The following TMEM87B variants were observed in gnomAD, a reference collection of about 807,000 sequenced individuals.
TMEM87B encodes transmembrane protein 87B.
A neutral mutation model predicts 80.3 loss-of-function variants in TMEM87B; 83 were observed. That is an observed-to-expected ratio of 1.03 (90% CI 0.87 to 1.24). The LOEUF (loss-of-function observed/expected upper bound fraction) is 1.24, where lower values mean the gene tolerates loss of function less well. TMEM87B is among the 50% of genes most tolerant of loss of function. The pLI is 0.00. For synonymous variants in TMEM87B, 219 were observed against 230.5 expected, an observed-to-expected ratio of 0.95 and a Z score of 0.45; for missense variants, 625 against 674.4, an observed-to-expected ratio of 0.93 and a Z score of 0.81.
At chr2:112,099,900 A>AAC (rs1558847861) in intron 14 of TMEM87B, among the ~76,000 whole-genome samples, 2 of 149,418 alleles carry the variant, frequency 1.3e-5, no homozygotes, top group Non-Finnish European at 1.5e-5. Flanking sequence ...AAAAAAAAAA[A>AAC]CCACAAAAAA....
intron 3 of TMEM87B, among the ~76,000 whole-genome samples, chr2:112,065,401 T>C (rs1263931275): frequency 6.6e-6 from 1 of 152,098 alleles, no homozygotes. Flanking sequence ...ATTCCTGCGC[T>C]TTGGGAACCT....
At chr2:112,106,927 AATAG>A (rs1184180695) in intron 16 of TMEM87B, among the ~76,000 whole-genome samples, 6 of 152,214 alleles carry the variant, frequency 3.9e-5, no homozygotes, top group South Asian at 2.1e-4. Context: ...GGATGGATAA[AATAG>A]ATAGATAGGT....
chr2:112,105,847 T>C (rs1412231808), intron 15 of TMEM87B, 155 bp from the exon 16 acceptor site: 5 of 477,514 alleles, frequency 1.0e-5, no homozygotes, highest in Non-Finnish European at 1.4e-5. Flanking sequence ...TTTTCCTACA[T>C]TCCCAAATGG....
intron 3 of TMEM87B, among the ~76,000 whole-genome samples, chr2:112,065,682 A>G (rs111745577): frequency 0.019 from 2,860 of 149,244 alleles, 41 homozygotes; most frequent in Middle Eastern, 0.05. Flanking sequence ...CCAGTGTCCC[A>G]ATATTGTCTT....
At chr2:112,086,723 C>T (rs192056953) in intron 9 of TMEM87B, among the ~76,000 whole-genome samples, 2 of 152,304 alleles carry the variant, frequency 1.3e-5, no homozygotes, top group East Asian at 3.9e-4. Flanking sequence ...CTTCCAGACC[C>T]TCCCTCATTC....
chr2:112,089,804 A>G, intron 10 of TMEM87B, 86 bp downstream of exon 10: 16 of 1,315,182 alleles, frequency 1.2e-5, no homozygotes, highest in Non-Finnish European at 1.7e-5. Context: ...GAATTTTTAG[A>G]TAGAAACTTG....
At chr2:112,104,612 G>T (rs147094769) in intron 15 of TMEM87B, among the ~76,000 whole-genome samples, 319 of 152,288 alleles carry the variant, frequency 2.1e-3, no homozygotes, top group Non-Finnish European at 3.8e-3. Context: ...CTCTCATACA[G>T]TACTTGAAGG....
In TMEM87B at chr2:112,086,036, T is replaced by C; in HGVS notation, c.870T>C (p.Ile290=). Residue 290 remains isoleucine (I), a synonymous_variant, in exon 9 of 19, where the codon ATT becomes ATC. Coordinates refer to ENST00000283206, the MANE Select transcript of TMEM87B (RefSeq NM_032824.3). ...GCTTATTGATATTTGCGGAGTTGAT[T>C]TCTGCGATTAAGAGGACGTTGGCTC... is the stretch of plus-strand genomic sequence containing the variant. ...TQGLLIFAEL[I]SAIKRTLARL... is the part of the protein sequence containing the mutation. The C allele has an allele frequency of 6.2e-7, 1 of 1,614,250 alleles. No individual in the cohort carries two copies. Among genetic ancestry groups the C allele is most frequent in the Non-Finnish European group, 8.5e-7 (1 of 1,180,040 alleles).
intron 4 of TMEM87B, among the ~76,000 whole-genome samples, chr2:112,071,347 G>A (rs955542843): frequency 2.4e-5 from 3 of 124,300 alleles, no homozygotes; most frequent in Admixed American, 9.7e-5. Context: ...TGTCATCCAG[G>A]CTGGAGTGCA....
In TMEM87B at chr2:112,097,097, T is replaced by G. The variant is rs1246266932; in HGVS notation, c.1158T>G (p.Thr386=). The stretch of plus-strand genomic sequence containing the variant: ...AGACCCTAAGGCTAAGAAAGAACAC[T>G]GTGAAATTTTCATTATATAGACATT... ...TMKTLRLRKN[T]VKFSLYRHFK... is the part of the protein sequence containing the mutation. The change falls in exon 12 of 19, where the codon ACT becomes ACG. Residue 386 remains threonine (T), a synonymous_variant. Coordinates refer to ENST00000283206, the MANE Select transcript of TMEM87B (RefSeq NM_032824.3). 3.7e-6 allele frequency: 6 copies of G among 1,609,600 alleles called. No homozygotes were observed. In the African/African-American group the frequency reaches 4.0e-5, roughly 11 times the overall value.
At chr2:112,101,613 AC>A (rs1679633924) in intron 15 of TMEM87B, among the ~76,000 whole-genome samples, 1 of 152,226 alleles carries the variant, frequency 6.6e-6, no homozygotes, top group Non-Finnish European at 1.5e-5. Flanking sequence ...CTGTATTCTT[AC>A]AATAAAGTAG....
rs79904351 is a variant in TMEM87B at position 112,110,836 on chromosome 2, G to A, written c.1578-2063G>A. Among the ~76,000 whole-genome samples, 1,322 of 151,958 alleles carry A rather than the reference G, an allele frequency of 8.7e-3. 14 individuals are homozygous for A. Among genetic ancestry groups the A allele is most frequent in the African/African-American group, 0.031 (1,265 of 41,422 alleles). ...TCATCCTTTCCTGAAAACAATGATC[G>A]TTCAAGGGTGCTGCTTTTTGTCCCA... On this transcript the variant is annotated intron_variant, in intron 17 of 18. Transcript: ENST00000283206.
At chr2:112,107,357 C>CA (rs35280651) in intron 16 of TMEM87B, among the ~76,000 whole-genome samples, 5,278 of 83,772 alleles carry the variant, frequency 0.063, 342 homozygotes, top group African/African-American at 0.16. Flanking sequence ...GACTCTGTCT[C>CA]AAAAAAAAAA....
chr2:112,085,103 A>G (rs897533491), intron 8 of TMEM87B, among the ~76,000 whole-genome samples: 6 of 152,254 alleles, frequency 3.9e-5, no homozygotes, highest in Admixed American at 1.3e-4. Context: ...TAGTTTACCA[A>G]TCCCTCCTTT....
chr2:112,115,973 G>A (rs1265483329), intron 18 of TMEM87B, 111 bp from the exon 19 acceptor site: 10 of 727,658 alleles, frequency 1.4e-5, no homozygotes, highest in Middle Eastern at 3.0e-4. Context: ...TGTATATTAT[G>A]GAATATATTT....
chr2:112,084,231 T>C (rs1257399339), intron 8 of TMEM87B, among the ~76,000 whole-genome samples: 1 of 152,154 alleles, frequency 6.6e-6, no homozygotes, highest in African/African-American at 2.4e-5. Flanking sequence ...CATGGAGGGA[T>C]TGACAGCACA....
At chr2:112,062,079 A>G (rs1159589989) in intron 2 of TMEM87B, among the ~76,000 whole-genome samples, 4 of 152,236 alleles carry the variant, frequency 2.6e-5, no homozygotes, top group Non-Finnish European at 4.4e-5. Flanking sequence ...TGAGTAATTG[A>G]GTATTCTAAT....
At chr2:112,066,848 T>A (rs1046400623) in intron 3 of TMEM87B, 88 bp from the exon 4 acceptor site, 5 of 1,191,390 alleles carry the variant, frequency 4.2e-6, no homozygotes, top group Non-Finnish European at 5.7e-6. Flanking sequence ...GAATATACTT[T>A]TGGTATTATT....
chr2:112,071,709 A>G (rs1037844403), intron 4 of TMEM87B, among the ~76,000 whole-genome samples: 2 of 152,158 alleles, frequency 1.3e-5, no homozygotes, highest in East Asian at 1.9e-4. Context: ...TTCTAGATAT[A>G]TAATCATGTC....
Sources: allele counts gnomAD v4.1 joint callset (sites outside exome capture counted in the v4.1 genomes callset), GRCh38; gene constraint gnomAD v4.1.1; transcripts MANE v1.5; gene names NCBI Gene and HGNC (gene_info 2026-07-23, HGNC 2026-07-21).